AMZ1: variants seen among roughly 807,000 people sequenced by gnomAD.
The protein encoded by AMZ1 is archaemetzincin-1.
A neutral mutation model predicts 29.9 loss-of-function variants in AMZ1; 39 were observed. The observed-to-expected ratio is 1.30, with a 90% CI of 1.01 to 1.70. The LOEUF is 1.70. AMZ1 is among the 40% of genes most tolerant of loss of function. AMZ1 has a pLI of 0.00. For missense variants in AMZ1, 1,041 were observed against 680.6 expected, an observed-to-expected ratio of 1.53 and a Z score of -5.89; for synonymous variants, 458 against 304.0, an observed-to-expected ratio of 1.51 and a Z score of -5.27.
At chr7:2,735,906 G>C (rs1464956129) in intron 4 of AMZ1, among the ~76,000 whole-genome samples, 1 of 152,082 alleles carries the variant, frequency 6.6e-6, no homozygotes, top group Non-Finnish European at 1.5e-5. Flanking sequence ...AGGGAAGAAG[G>C]GGACACAGAG....
intron 4 of AMZ1, among the ~76,000 whole-genome samples, chr7:2,741,030 G>C (rs1005234374): frequency 6.6e-6 from 1 of 151,406 alleles, no homozygotes; most frequent in African/African-American, 2.4e-5. Context: ...GGGCGACAGA[G>C]CGAGACTCCG....
At chr7:2,707,118 C>G (rs1788399543) in intron 3 of AMZ1, among the ~76,000 whole-genome samples, 1 of 152,162 alleles carries the variant, frequency 6.6e-6, no homozygotes, top group East Asian at 1.9e-4. Context: ...ACTAAAAATA[C>G]AAAAATTAGC....
chr7:2,728,339 G>GT (rs898448299), intron 4 of AMZ1: 34 of 149,586 alleles, frequency 2.3e-4, no homozygotes, highest in South Asian at 6.4e-4. Context: ...TCTTTCAAGA[G>GT]TTTTTTTTTT....
upstream of AMZ1, among the ~76,000 whole-genome samples, chr7:2,685,698 C>T (rs1787052758): frequency 6.6e-6 from 1 of 151,614 alleles, no homozygotes; most frequent in Non-Finnish European, 1.5e-5. Context: ...ACTAAAAACA[C>T]AAAAATTAGC....
At position 2,709,730 on chromosome 7, in the gene AMZ1, G is replaced by T. The variant is rs139061616; in HGVS notation, c.862G>T (p.Ala288Ser). The change falls in exon 6 of 7, where the codon GCC (alanine) becomes TCC (serine). Residue 288 changes from alanine (A) to serine (S), a missense_variant. Physicochemically the swap from Ala to Ser is moderately conservative, Grantham distance 99. Transcript: ENST00000683327. ...LMQGALSLDE[A>S]LRRPLDLCPI... ...GCAGGGTGCGCTCAGCCTGGACGAG[G>T]CCCTGCGGCGGCCCCTGGACCTCTG... is the stretch of plus-strand genomic sequence containing the variant. 1.1e-5 allele frequency: 18 copies of T among 1,611,300 alleles called. No individual in the cohort carries two copies. The East Asian group carries it at 3.3e-4, about 30-fold the overall frequency.
Position 2,689,965 on chromosome 7 carries a change from G to A in AMZ1, c.-219+1669G>A, listed in dbSNP as rs532452308. On this transcript the variant is annotated intron_variant, in intron 1 of 6. Transcript: ENST00000683327. ...TTGTGCAGAAATGACCTGGCAGGAT[G>A]GAAGGACTCAGCTGGCAGCTGACAG... Among the ~76,000 whole-genome samples, 5 of 152,314 alleles carry A rather than the reference G, an allele frequency of 3.3e-5. No homozygotes were observed. In the South Asian group the frequency reaches 1.0e-3, roughly 32 times the overall value.
At chr7:2,762,563 G>A, upstream of AMZ1, 1 of 1,427,878 alleles carries the variant, frequency 7.0e-7, no homozygotes, top group Non-Finnish European at 9.4e-7. Context: ...TAGATCCAAT[G>A]ACATTTCCTG....
At chr7:2,725,417 G>A (rs989708622) in intron 4 of AMZ1, among the ~76,000 whole-genome samples, 3 of 152,270 alleles carry the variant, frequency 2.0e-5, no homozygotes, top group Non-Finnish European at 2.9e-5. Flanking sequence ...TCCACCCGAG[G>A]AGATGCCAAT....
At chr7:2,712,236 G>C (rs1788827354) in intron 6 of AMZ1, 94 bp from the exon 7 acceptor site, 2 of 1,359,066 alleles carry the variant, frequency 1.5e-6, no homozygotes, top group African/African-American at 1.5e-5. Flanking sequence ...ACTGAGGACG[G>C]TGGGGTCCCC....
intron 4 of AMZ1, among the ~76,000 whole-genome samples, chr7:2,754,003 G>C (rs118087770): frequency 6.6e-6 from 1 of 152,278 alleles, no homozygotes; most frequent in African/African-American, 2.4e-5. Flanking sequence ...AGTGACCAGA[G>C]AATCTACATC....
intron 1 of AMZ1, among the ~76,000 whole-genome samples, chr7:2,696,465 G>A (rs868167789): frequency 5.3e-5 from 8 of 149,592 alleles, no homozygotes; most frequent in African/African-American, 2.0e-4. Context: ...CACCATGTTA[G>A]CCAGGATGGT....
At chr7:2,685,078 C>T (rs919157041), upstream of AMZ1, among the ~76,000 whole-genome samples, 13 of 151,540 alleles carry the variant, frequency 8.6e-5, no homozygotes, top group Admixed American at 1.3e-4. Flanking sequence ...ACTGTGTTAG[C>T]CAGGATGGTC....
intron 4 of AMZ1, among the ~76,000 whole-genome samples, chr7:2,740,828 A>AAGTTG (rs2115326081): frequency 6.6e-6 from 1 of 152,314 alleles, no homozygotes; most frequent in African/African-American, 2.4e-5. Context: ...ACGGATCACG[A>AAGTTG]GGTCGAGAGA....
At position 2,717,970 on chromosome 7, in the gene AMZ1, G is replaced by A. The variant is rs956680073; in HGVS notation, c.*5092G>A. Among the ~76,000 whole-genome samples, 4 of 152,176 alleles carry A rather than the reference G, an allele frequency of 2.6e-5. No individual in the cohort carries two copies. The highest frequency in any genetic ancestry group is 5.9e-5 in the Non-Finnish European group (4 of 68,020). On this transcript the variant is annotated 3_prime_UTR_variant, in exon 7 of 7. Coordinates refer to ENST00000683327, the MANE Select transcript of AMZ1 (RefSeq NM_001384743.1). ...GCAAATCCAAATAGTCACCGGAGTC[G>A]AGCAAACACGGCGGCCCCTGCCTCC...
At position 2,712,538 on chromosome 7, in the gene AMZ1, G is replaced by C. The variant is rs1281649670; in HGVS notation, c.1157G>C (p.Ser386Thr). Residue 386 changes from serine to threonine, a missense_variant, in exon 7 of 7, where the codon AGC (serine) becomes ACC (threonine). Physicochemically the swap from Ser to Thr is moderately conservative, Grantham distance 58. Transcript: ENST00000683327. ...TFASGPEEGL[S>T]YLAASEAPLP... ...GCCTCGGGGCCAGAGGAAGGGCTGA[G>C]CTACCTGGCAGCCTCAGAGGCTCCG... The C allele has an allele frequency of 6.2e-7, 1 of 1,608,968 alleles. No individual in the cohort carries two copies. Among genetic ancestry groups the C allele is most frequent in the Admixed American group, 1.7e-5 (1 of 59,706 alleles).
rs991452425 is a variant in AMZ1, at chr7:2,733,561, A to C, written n.550+23745A>C. The C allele has an allele frequency of 3.0e-6, 4 of 1,334,336 alleles. No homozygotes were observed. In the African/African-American group the frequency reaches 4.3e-5, roughly 14 times the overall value. 82.7% of individuals were successfully genotyped at this position (1,334,336 alleles called of 1,614,324 possible). On this transcript the variant is annotated intron_variant and non_coding_transcript_variant, in intron 4 of 4. Transcript: ENST00000489665. ...GGACTGAGGAATCCTGATGTGGCAA[A>C]TACAAGAACTGAACAGGGTAAGAGC...
At chr7:2,725,118 C>T (rs1221837920) in intron 4 of AMZ1, among the ~76,000 whole-genome samples, 2 of 152,190 alleles carry the variant, frequency 1.3e-5, no homozygotes, top group Non-Finnish European at 2.9e-5. Flanking sequence ...GTTCTGCGAG[C>T]GCACCCTGTG....
At chr7:2,764,032 A>G (rs984823067), upstream of AMZ1, among the ~76,000 whole-genome samples, 1 of 152,110 alleles carries the variant, frequency 6.6e-6, no homozygotes, top group African/African-American at 2.4e-5. Context: ...AAGTCTTCCT[A>G]AGGCTGCTGT....
chr7:2,726,435 T>G (rs1393779013), intron 4 of AMZ1, among the ~76,000 whole-genome samples: 1 of 152,160 alleles, frequency 6.6e-6, no homozygotes, highest in East Asian at 1.9e-4. Context: ...CCTGTATGAG[T>G]TGGTGTCTCA....
Sources: allele counts gnomAD v4.1 joint callset (sites outside exome capture counted in the v4.1 genomes callset), GRCh38; gene constraint gnomAD v4.1.1; transcripts MANE v1.5; gene names NCBI Gene and HGNC (gene_info 2026-07-23, HGNC 2026-07-21).